SLC36A3: variants seen among roughly 807,000 people sequenced by gnomAD.
SLC36A3 encodes proton-coupled amino acid transporter 3.
A neutral mutation model predicts 44.3 loss-of-function variants in SLC36A3; 35 were observed. The observed-to-expected ratio is 0.79, with a 90% CI of 0.60 to 1.05. The LOEUF is 1.05. Among genes scored for constraint, SLC36A3 ranks in the 50% least tolerant of loss-of-function variants. The pLI is 0.00. For missense variants in SLC36A3, 540 were observed against 578.7 expected (o/e 0.93, Z 0.69); for synonymous variants, 211 against 227.6 (o/e 0.93, Z 0.66).
chr5:151,292,829 C>T (rs1049227844), intron 4 of SLC36A3, among the ~76,000 whole-genome samples: 11 of 152,108 alleles, frequency 7.2e-5, no homozygotes, highest in Admixed American at 7.2e-4. Context: ...ACTAAAAACA[C>T]AAAAATTAAC....
At chr5:151,281,565 C>T (rs958591213) in intron 8 of SLC36A3, among the ~76,000 whole-genome samples, 8 of 152,142 alleles carry the variant, frequency 5.3e-5, no homozygotes, top group Non-Finnish European at 7.3e-5. Context: ...CGCTTGTAAT[C>T]GCAGCAGTTT....
chr5:151,277,604 A>T lies in SLC36A3; in HGVS notation c.1202T>A (p.Val401Glu). ...GATGAGAGCCAGGGCGCTGCTGCTC[A>T]CGGAGCCTACCAGGGAGATGACCAA... is the stretch of plus-strand genomic sequence containing the variant. ...LDLVISLVGSVSSSALALIIP... is the reference protein window; with the variant it reads ...LDLVISLVGSESSSALALIIP... The change falls in exon 10 of 10, where the codon GTG (valine) becomes GAG (glutamate). Residue 401 changes from valine (V) to glutamate (E), a missense_variant. Coordinates refer to ENST00000335230, the MANE Select transcript of SLC36A3 (RefSeq NM_181774.4). 1 of 1,614,202 alleles carries T rather than the reference A, an allele frequency of 6.2e-7. No individual in the cohort carries two copies. Among genetic ancestry groups the T allele is most frequent in the Middle Eastern group, 1.6e-4 (1 of 6,062 alleles).
At chr5:151,291,570 C>T (rs1754759002) in intron 4 of SLC36A3, among the ~76,000 whole-genome samples, 1 of 152,046 alleles carries the variant, frequency 6.6e-6, no homozygotes, top group Admixed American at 6.6e-5. Context: ...GTTCCTCTAT[C>T]CCCCGTGCTT....
intron 6 of SLC36A3, 98 bp downstream of exon 6, chr5:151,287,148 C>T (rs1293993442): frequency 3.2e-6 from 4 of 1,231,262 alleles, no homozygotes; most frequent in Admixed American, 4.2e-5. Context: ...CAGAGGATCA[C>T]CTTCCTCAGC....
At chr5:151,284,004 A>T (rs1347147) in intron 8 of SLC36A3, 40 bp downstream of exon 8, 9 of 1,568,790 alleles carry the variant, frequency 5.7e-6, no homozygotes, top group Middle Eastern at 1.8e-4. Flanking sequence ...GAACAGTTCC[A>T]GTGTCTCTCC....
chr5:151,281,045 C>T lies in SLC36A3; in HGVS notation c.1113G>A (p.Leu371=), dbSNP rs776053455. 6.2e-7 allele frequency: 1 copy of T among 1,614,162 alleles called. No homozygotes were observed. The highest frequency in any genetic ancestry group is 8.5e-7 in the Non-Finnish European group (1 of 1,180,032). The change falls in exon 9 of 10, where the codon CTG becomes CTA. Residue 371 remains leucine (L), a synonymous_variant. Coordinates refer to ENST00000335230, the MANE Select transcript of SLC36A3 (RefSeq NM_181774.4). Reference sequence around the variant, plus strand: ...GACAGACCAAGGCTGAGCGGACAGACAGGTCTACAAACAGTGCCCAGCTCT... The same window carrying T: ...GACAGACCAAGGCTGAGCGGACAGATAGGTCTACAAACAGTGCCCAGCTCT... ...VSESWALFVD[L]SVRSALVCLT...
intron 4 of SLC36A3, among the ~76,000 whole-genome samples, chr5:151,292,418 C>A (rs944020140): frequency 2.0e-5 from 3 of 152,122 alleles, no homozygotes; most frequent in Non-Finnish European, 4.4e-5. Flanking sequence ...ATGTTAGGTT[C>A]TTGGTCAAAT....
Position 151,299,258 on chromosome 5 carries a change from CTCTCTCTATATA to C in SLC36A3, c.129-587_129-576del, listed in dbSNP as rs1233133357. Among the ~76,000 whole-genome samples the C allele has an allele frequency of 6.3e-3, 427 of 68,026 alleles. 10 individuals carry two copies. The highest frequency in any genetic ancestry group is 0.05 in the Admixed American group (268 of 5,314). The allele number at this position is 68,026 out of a possible 152,430, so 44.6% of individuals were successfully genotyped here. ...TCTCTCTCTCTCTCTCTCTCTCTCT[CTCTCTCTATATA>C]TATATATATATATATATATATGAAA... On this transcript the variant is annotated intron_variant, in intron 1 of 9. Coordinates refer to ENST00000335230, the MANE Select transcript of SLC36A3 (RefSeq NM_181774.4).
At chr5:151,286,753 C>T (rs1027352122) in intron 6 of SLC36A3, among the ~76,000 whole-genome samples, 4 of 151,974 alleles carry the variant, frequency 2.6e-5, no homozygotes, top group South Asian at 2.1e-4. Context: ...AATAGTATTG[C>T]GAAGGTTCAA....
At position 151,284,283 on chromosome 5, in the gene SLC36A3, C is replaced by T. The variant is rs772620961; in HGVS notation, c.808-73G>A. On this transcript the variant is annotated intron_variant, in intron 7 of 9. Coordinates refer to ENST00000335230, the MANE Select transcript of SLC36A3 (RefSeq NM_181774.4). ...GGCCCATTGTGAAGGAGAGGGTTCC[C>T]GTACAAGCACAAATGTCCTTCCCCA... 222 of 1,431,532 alleles carry T rather than the reference C, an allele frequency of 1.6e-4. 1 individual carries two copies. In the Middle Eastern group the frequency reaches 1.8e-3, roughly 12 times the overall value. 88.7% of individuals were successfully genotyped at this position (1,431,532 alleles called of 1,614,324 possible). A position where few individuals can be genotyped will look rare whatever the true frequency, so the allele number is the denominator to read the frequency against.
rs56998614 is a variant in SLC36A3 at position 151,277,612 on chromosome 5, T to C, written c.1194A>G (p.Val398=). The C allele has an allele frequency of 0.022, 35,477 of 1,614,078 alleles. 3,152 individuals are homozygous for C. The African/African-American group carries it at 0.26, about 12-fold the overall frequency. Residue 398 remains valine, a synonymous_variant, in exon 10 of 10, where the codon GTA becomes GTG. Transcript: ENST00000335230. ...CCAGGGCGCTGCTGCTCACGGAGCC[T>C]ACCAGGGAGATGACCAAGTCCAGGC... ...IPRLDLVISL[V]GSVSSSALAL...
chr5:151,302,746 T>TAAA (rs1554096125), intron 1 of SLC36A3, among the ~76,000 whole-genome samples: 2 of 151,722 alleles, frequency 1.3e-5, no homozygotes, highest in Non-Finnish European at 2.9e-5. Flanking sequence ...TAAATTAAAT[T>TAAA]TAATTTAATT....
chr5:151,299,832 G>C (rs1278125650), intron 1 of SLC36A3, among the ~76,000 whole-genome samples: 1 of 152,124 alleles, frequency 6.6e-6, no homozygotes, highest in Admixed American at 6.5e-5. Context: ...ACTCAAAAGA[G>C]GTAACAACAT....
At chr5:151,298,513 A>G in intron 2 of SLC36A3, 80 bp downstream of exon 2, 1 of 1,383,920 alleles carries the variant, frequency 7.2e-7, no homozygotes, top group South Asian at 1.2e-5. Context: ...CCCATTGATA[A>G]CAGTGTGAAG....
rs1755230126 is a variant in SLC36A3 at position 151,303,328 on chromosome 5, GT to G, written c.26del (p.Asn9ThrfsTer4). On this transcript the variant is annotated frameshift_variant, in exon 1 of 10. Transcript: ENST00000335230. LOFTEE classifies it high-confidence loss of function. ...CGTTGTCCAAGGAGTTCAGCTCACTGTTGTAGTCCCTTCCAAGCAATGACAT... is the reference window on the plus strand; with the variant it reads ...CGTTGTCCAAGGAGTTCAGCTCACTGTGTAGTCCCTTCCAAGCAATGACAT... MSLLGRDY[N>X]SELNSLDNGP... 1.2e-6 allele frequency: 2 copies of G among 1,613,998 alleles called. No individual in the cohort carries two copies. Among genetic ancestry groups the G allele is most frequent in the Non-Finnish European group, 8.5e-7 (1 of 1,179,900 alleles).
intron 1 of SLC36A3, among the ~76,000 whole-genome samples, chr5:151,301,654 C>T (rs747323710): frequency 1.1e-4 from 16 of 151,610 alleles, no homozygotes; most frequent in Non-Finnish European, 1.8e-4. Flanking sequence ...GATAATAAAA[C>T]TCCGGTCTCG....
chr5:151,293,494 A>G lies in SLC36A3; in HGVS notation c.309-35T>C, dbSNP rs1324076533. The stretch of plus-strand genomic sequence containing the variant: ...AAGAACAAACAATGCATAATTTAAA[A>G]CATTTTTGTTAAAGGTACAGTTTTC... On this transcript the variant is annotated intron_variant, in intron 3 of 9. Transcript: ENST00000335230. 2.6e-6 allele frequency: 4 copies of G among 1,551,180 alleles called. 1 individual carries two copies. Among genetic ancestry groups the G allele is most frequent in the Admixed American group, 3.6e-5 (2 of 55,580 alleles).
intron 3 of SLC36A3, among the ~76,000 whole-genome samples, chr5:151,295,325 C>T (rs1357656304): frequency 6.6e-6 from 1 of 152,174 alleles, no homozygotes; most frequent in African/African-American, 2.4e-5. Context: ...GAGGAGTAAA[C>T]AAGGCTTGCA....
rs761888087 is a variant in SLC36A3 at position 151,288,463 on chromosome 5, C to A, written c.412G>T (p.Val138Phe). 7 of 1,571,598 alleles carry A rather than the reference C, an allele frequency of 4.5e-6. No individual in the cohort carries two copies. The South Asian group carries it at 8.4e-5, about 19-fold the overall frequency. Residue 138 changes from valine to phenylalanine, a missense_variant, in exon 5 of 10, where the codon GTC (valine) becomes TTC (phenylalanine). Val to Phe is a conservative substitution (Grantham distance 50, BLOSUM62 -1). Transcript: ENST00000335230. ...TGGGTGATGACTAATAAGAAGCTGACAGTGTACCTGGGAAGGAAAGGAAGA... is the reference window on the plus strand; with the variant it reads ...TGGGTGATGACTAATAAGAAGCTGAAAGTGTACCTGGGAAGGAAAGGAAGA... Reference protein sequence around the residue: ...RAHAVWGRYTVSFLLVITQLG... With the variant: ...RAHAVWGRYTFSFLLVITQLG...
Sources: gnomAD v4.1 joint callset for allele counts (sites outside exome capture counted in the v4.1 genomes callset) on GRCh38, gnomAD v4.1.1 for gene constraint, MANE v1.5 for transcripts, NCBI Gene and HGNC (gene_info 2026-07-23, HGNC 2026-07-21) for gene names.